Variants in COMP observed in about 807,000 individuals in gnomAD.
COMP encodes the protein cartilage oligomeric matrix protein (pseudoachondroplasia, epiphyseal dysplasia 1, multiple).
Under a neutral mutation model 95.8 loss-of-function variants are expected in COMP, and 79 were observed. That is an observed-to-expected ratio of 0.82 (90% confidence interval 0.69 to 0.99). The LOEUF (loss-of-function observed/expected upper bound fraction) is 0.99. Ranked by LOEUF, COMP falls within the 50% of genes least tolerant of loss-of-function variation. The pLI is 0.00. For synonymous variants in COMP, 438 were observed against 433.9 expected, an observed-to-expected ratio of 1.01 and a Z score of -0.12; for missense variants, 906 against 1,076.1, an observed-to-expected ratio of 0.84 and a Z score of 2.21.
Position 18,789,856 on chromosome 19 carries a change from G to A in COMP, c.390+86C>T. 6.7e-7 allele frequency: 1 copy of A among 1,498,052 alleles called. No homozygotes were observed. The highest frequency in any genetic ancestry group is 9.1e-7 in the Non-Finnish European group (1 of 1,103,900). The allele number at this position is 1,498,052 out of a possible 1,614,324, so 92.8% of individuals were successfully genotyped here. A position where few individuals can be genotyped will look rare whatever the true frequency, so the allele number is the denominator to read the frequency against. The stretch of plus-strand genomic sequence containing the variant: ...AGGCTCTTCGGGGCGAACACTCCCA[G>A]TGGAGGAAGGGGTCTCCCGGGCGGC... On this transcript the variant is annotated intron_variant, in intron 4 of 18. Transcript: ENST00000222271. This position sits in a 1 kb window ranked among gnomAD's most constrained non-coding sequence, Gnocchi z 6.1.
At chr19:18,790,427 T>TCGTC in intron 3 of COMP, 135 bp downstream of exon 3, 1 of 1,129,410 alleles carries the variant, frequency 8.9e-7, no homozygotes, top group Non-Finnish European at 1.3e-6. Flanking sequence ...CCATTCCCGT[T>TCGTC]CGTCCGTCCA....
chr19:18,786,181 C>T (rs754289056), intron 12 of COMP, 35 bp from the exon 13 acceptor site: 2 of 1,614,150 alleles, frequency 1.2e-6, no homozygotes, highest in Non-Finnish European at 1.7e-6. Context: ...AGACAATGAG[C>T]TCTCCAGAGC....
At position 18,785,778 on chromosome 19, in the gene COMP, C is replaced by T. The variant is rs756075225; in HGVS notation, c.1563G>A (p.Pro521=). ...CGGTGAGCGTGACTTCAGCGTTCTC[C>T]GGACACACGTCGATCTTGTCTACCA... ...DKVVDKIDVC[P]ENAEVTLTDF... The change falls in exon 14 of 19, where the codon CCG becomes CCA. Residue 521 remains proline, a synonymous_variant. Coordinates refer to ENST00000222271, the MANE Select transcript of COMP (RefSeq NM_000095.3). 5 of 1,613,164 alleles carry T rather than the reference C, an allele frequency of 3.1e-6. No homozygotes were observed. Among genetic ancestry groups the T allele is most frequent in the Non-Finnish European group, 4.2e-6 (5 of 1,179,840 alleles).
rs1265020858 is a variant in COMP, at chr19:18,788,625, G to T, written c.729C>A (p.Cys243Ter). The T allele has an allele frequency of 1.3e-6, 2 of 1,548,902 alleles. No individual in the cohort carries two copies. The highest frequency in any genetic ancestry group is 2.0e-5 in the Admixed American group (1 of 51,082). Reference sequence around the variant, plus strand: ...ACCGCGAGCCATCGCGCTCTAGGACGCAGTCTGCATGCTCGTGGCACTCGC... The same window carrying T: ...ACCGCGAGCCATCGCGCTCTAGGACTCAGTCTGCATGCTCGTGGCACTCGC... ...SPSECHEHAD[C>*]VLERDGSRSC... is the part of the protein sequence containing the mutation. Residue 243 changes from cysteine (C) to a stop codon, truncating the protein, a stop_gained, in exon 7 of 19, where the codon TGC becomes TGA. Coordinates refer to ENST00000222271, the MANE Select transcript of COMP (RefSeq NM_000095.3). LOFTEE classifies it high-confidence loss of function. This position sits in a 1 kb window ranked among gnomAD's most constrained non-coding sequence, Gnocchi z 4.7.
chr19:18,786,066 C>A lies in COMP; in HGVS notation c.1388G>T (p.Gly463Val), dbSNP rs780461514. ...GTCGTCGTCGCAGGCATCACCCTGGCCATCGTGGTCTGAGTCCTCCTGGGC... is the reference window on the plus strand; with the variant it reads ...GTCGTCGTCGCAGGCATCACCCTGGACATCGTGGTCTGAGTCCTCCTGGGC... ...NSAQEDSDHD[G>V]QGDACDDDDD... is the part of the protein sequence containing the mutation. Residue 463 changes from glycine to valine, a missense_variant, in exon 13 of 19, where the codon GGC (glycine) becomes GTC (valine). Coordinates refer to ENST00000222271, the MANE Select transcript of COMP (RefSeq NM_000095.3). The A allele has an allele frequency of 1.2e-6, 2 of 1,613,920 alleles. No individual in the cohort carries two copies. Among genetic ancestry groups the A allele is most frequent in the Non-Finnish European group, 1.7e-6 (2 of 1,180,054 alleles).
rs2055180542 is a variant in COMP at position 18,787,880 on chromosome 19, TTCTTTCTTTCTTTC to T, written c.976-244_976-231del. Among the ~76,000 whole-genome samples the T allele has an allele frequency of 2.9e-4, 25 of 87,570 alleles. No individual in the cohort carries two copies. The Admixed American group carries it at 2.9e-3, about 10-fold the overall frequency. 57.4% of individuals were successfully genotyped at this position (87,570 alleles called of 152,430 possible). On this transcript the variant is annotated intron_variant, in intron 9 of 18. Coordinates refer to ENST00000222271, the MANE Select transcript of COMP (RefSeq NM_000095.3). ...TTTCTTTTTCTCTTTCTTTCTTTCT[TTCTTTCTTTCTTTC>T]TTTCTTTCTTTCTTTCTTTCTTTTT...
rs1354537325 is a variant in COMP at position 18,787,872 on chromosome 19, TTCTTTCTTTC to T, written c.976-232_976-223del. Among the ~76,000 whole-genome samples the T allele has an allele frequency of 1.1e-3, 82 of 74,196 alleles. 3 individuals carry two copies. The highest frequency in any genetic ancestry group is 4.1e-3 in the African/African-American group (63 of 15,502). The allele number at this position is 74,196 out of a possible 152,430, so 48.7% of individuals were successfully genotyped here. A position where few individuals can be genotyped will look rare whatever the true frequency, so the allele number is the denominator to read the frequency against. On this transcript the variant is annotated intron_variant, in intron 9 of 18. Coordinates refer to ENST00000222271, the MANE Select transcript of COMP (RefSeq NM_000095.3). ...TTTTTCTTTTTCTTTTTCTCTTTCTTTCTTTCTTTCTTTCTTTCTTTCTTTCTTTCTTTCT... is the reference window on the plus strand; with the variant it reads ...TTTTTCTTTTTCTTTTTCTCTTTCTTTTTCTTTCTTTCTTTCTTTCTTTCT...
Position 18,783,199 on chromosome 19 carries a change from G to T in COMP, c.2088-6C>A. On this transcript the variant is annotated splice_polypyrimidine_tract_variant and splice_region_variant and intron_variant, in intron 17 of 18. Coordinates refer to ENST00000222271, the MANE Select transcript of COMP (RefSeq NM_000095.3). ...GGCCCTCATAGAATCGCACCCTGAGGGTCAGACATGGTGAGGCCTGGGGGA... is the reference window on the plus strand; with the variant it reads ...GGCCCTCATAGAATCGCACCCTGAGTGTCAGACATGGTGAGGCCTGGGGGA... 1.2e-6 allele frequency: 2 copies of T among 1,606,604 alleles called. No homozygotes were observed. The highest frequency in any genetic ancestry group is 4.5e-5 in the East Asian group (2 of 44,870).
In COMP at chr19:18,790,942, C is replaced by T. The variant is rs758487737; in HGVS notation, c.80-7G>A. 10 of 1,553,814 alleles carry T rather than the reference C, an allele frequency of 6.4e-6. No homozygotes were observed. The highest frequency in any genetic ancestry group is 3.9e-5 in the Admixed American group (2 of 51,638). ...TGCGGGCCCAGGTCTGAGCCTGCGG[C>T]GGCAGGGGACCTGGTGAGGCGTCAT... On this transcript the variant is annotated splice_polypyrimidine_tract_variant and splice_region_variant and intron_variant, in intron 1 of 18. Transcript: ENST00000222271.
Position 18,788,439 on chromosome 19 carries a change from G to C in COMP, c.838C>G (p.Leu280Val). 7.1e-7 allele frequency: 1 copy of C among 1,414,572 alleles called. No homozygotes were observed. The highest frequency in any genetic ancestry group is 9.5e-7 in the Non-Finnish European group (1 of 1,056,958). The allele number at this position is 1,414,572 out of a possible 1,614,324, so 87.6% of individuals were successfully genotyped here. Reference sequence around the variant, plus strand: ...CGGCACTGGCGCTCCGGGCAGCGCAGCTTCTCGTCCGGGAAGCCGTCTAGG... The same window carrying C: ...CGGCACTGGCGCTCCGGGCAGCGCACCTTCTCGTCCGGGAAGCCGTCTAGG... The part of the protein sequence containing the change: ...TDLDGFPDEK[L>V]RCPERQCRKD... Residue 280 changes from leucine (L) to valine (V), a missense_variant, in exon 8 of 19, where the codon CTG (leucine) becomes GTG (valine). Transcript: ENST00000222271. The surrounding 1 kb of genome is among the most constrained non-coding windows in gnomAD (Gnocchi z 4.7).
chr19:18,785,277 C>G lies in COMP; in HGVS notation c.1718-185G>C, dbSNP rs35701632. On this transcript the variant is annotated intron_variant, in intron 15 of 18. Coordinates refer to ENST00000222271, the MANE Select transcript of COMP (RefSeq NM_000095.3). ...ATTGGCCACGCCCCTCCAGAGTCCA[C>G]CTCCACTTGGCCCCGCCCTTCCCGA... 0.37 allele frequency among the ~76,000 whole-genome samples: 55,534 copies of G among 150,940 alleles called. 11,370 individuals are homozygous for G. The highest frequency in any genetic ancestry group is 0.54 in the African/African-American group (22,046 of 40,930).
At position 18,784,375 on chromosome 19, in the gene COMP, C is replaced by T; in HGVS notation, c.1915-12G>A. 2 of 1,613,786 alleles carry T rather than the reference C, an allele frequency of 1.2e-6. No homozygotes were observed. The highest frequency in any genetic ancestry group is 1.7e-6 in the Non-Finnish European group (2 of 1,180,016). ...GAAGACTTCACAGCCTGCCAATACC[C>T]AGGAAAGGTGGTCAGAGACCTCGTG... On this transcript the variant is annotated splice_polypyrimidine_tract_variant and intron_variant, in intron 16 of 18. Coordinates refer to ENST00000222271, the MANE Select transcript of COMP (RefSeq NM_000095.3). This position sits in a 1 kb window ranked among gnomAD's most constrained non-coding sequence, Gnocchi z 4.9.
In COMP at chr19:18,790,838, C is replaced by T. The variant is rs537571355; in HGVS notation, c.165+12G>A. 1.2e-5 allele frequency: 19 copies of T among 1,555,320 alleles called. No individual in the cohort carries two copies. The highest frequency in any genetic ancestry group is 1.7e-4 in the Middle Eastern group (1 of 6,030). ...TCCCTGGCACTCCCTGCCCCGCACC[C>T]GGGCCCCGCACCTGCTGCCGCAGCA... On this transcript the variant is annotated intron_variant, in intron 2 of 18. Transcript: ENST00000222271.
chr19:18,790,405 A>G lies in COMP; in HGVS notation c.217+157T>C, dbSNP rs544672075. Among the ~76,000 whole-genome samples the G allele has an allele frequency of 2.6e-5, 4 of 151,502 alleles. No individual in the cohort carries two copies. The East Asian group carries it at 7.8e-4, about 30-fold the overall frequency. On this transcript the variant is annotated intron_variant, in intron 3 of 18. Coordinates refer to ENST00000222271, the MANE Select transcript of COMP (RefSeq NM_000095.3). Reference sequence around the variant, plus strand: ...TCTGTCTCTTTTTGTCTCTGTTTCTACACACCCCATCCCATTCCCGTTCGT... The same window carrying G: ...TCTGTCTCTTTTTGTCTCTGTTTCTGCACACCCCATCCCATTCCCGTTCGT...
Position 18,785,555 on chromosome 19 carries a change from G to A in COMP, c.1669-9C>T, listed in dbSNP as rs1401970283. Reference sequence around the variant, plus strand: ...TGCACGATCTCCCTTCCCTGATGGGGTCAAAGAAAGGAGGGCCTCAGGCTG... The same window carrying A: ...TGCACGATCTCCCTTCCCTGATGGGATCAAAGAAAGGAGGGCCTCAGGCTG... On this transcript the variant is annotated splice_polypyrimidine_tract_variant and intron_variant, in intron 14 of 18. Transcript: ENST00000222271. 1 of 1,614,012 alleles carries A rather than the reference G, an allele frequency of 6.2e-7. No homozygotes were observed. The highest frequency in any genetic ancestry group is 8.5e-7 in the Non-Finnish European group (1 of 1,180,018).
Position 18,783,210 on chromosome 19 carries a change from G to C in COMP, c.2088-17C>G, listed in dbSNP as rs753793051. On this transcript the variant is annotated splice_polypyrimidine_tract_variant and intron_variant, in intron 17 of 18. Coordinates refer to ENST00000222271, the MANE Select transcript of COMP (RefSeq NM_000095.3). ...AATCGCACCCTGAGGGTCAGACATG[G>C]TGAGGCCTGGGGGACCTGGGCCAGA... 2.5e-6 allele frequency: 4 copies of C among 1,605,598 alleles called. No homozygotes were observed. The highest frequency in any genetic ancestry group is 3.4e-6 in the Non-Finnish European group (4 of 1,179,864).
In COMP at chr19:18,785,901, G is replaced by T. The variant is rs545882712; in HGVS notation, c.1490-50C>A. The T allele has an allele frequency of 3.7e-6, 6 of 1,605,176 alleles. No homozygotes were observed. In the East Asian group the frequency reaches 6.7e-5, roughly 18 times the overall value. On this transcript the variant is annotated intron_variant, in intron 13 of 18. Transcript: ENST00000222271. ...GGGCTAAAGTCAGGGCCCGCCCACC[G>T]TAGACCCCGCGCCAGGAGCCCCCAC...
chr19:18,790,454 C>T, intron 3 of COMP, 108 bp downstream of exon 3: 1 of 1,404,762 alleles, frequency 7.1e-7, no homozygotes, highest in Non-Finnish European at 1.0e-6. Flanking sequence ...CGTCAGCCTC[C>T]ATCTCCTTCC....
At position 18,789,893 on chromosome 19, in the gene COMP, G is replaced by T; in HGVS notation, c.390+49C>A. 1 of 1,585,746 alleles carries T rather than the reference G, an allele frequency of 6.3e-7. No homozygotes were observed. Among genetic ancestry groups the T allele is most frequent in the Non-Finnish European group, 8.5e-7 (1 of 1,172,786 alleles). ...GTCTCCCGGGCGGCGAGAGATTGGG[G>T]GGCGGTAGAGGGAGTCGTCAGGGCG... On this transcript the variant is annotated intron_variant, in intron 4 of 18. Coordinates refer to ENST00000222271, the MANE Select transcript of COMP (RefSeq NM_000095.3). The surrounding 1 kb of genome is among the most constrained non-coding windows in gnomAD (Gnocchi z 6.1).
Sources: gnomAD v4.1 joint callset for allele counts (sites outside exome capture counted in the v4.1 genomes callset) on GRCh38, gnomAD v4.1.1 for gene constraint, Gnocchi (gnomAD v3.1) non-coding constraint, MANE v1.5 for transcripts, NCBI Gene and HGNC (gene_info 2026-07-23, HGNC 2026-07-21) for gene names.